The following PPP1CB variants were observed in gnomAD, a reference collection of about 807,000 sequenced individuals.
The protein encoded by PPP1CB is serine/threonine-protein phosphatase PP1-beta catalytic subunit.
PPP1CB carries 2 observed loss-of-function variants against 43.7 expected under a neutral mutation model. That is an observed-to-expected ratio of 0.05 (90% CI 0.02 to 0.14). The LOEUF is 0.14. PPP1CB is among the 10% of genes least tolerant of loss of function. The pLI is 1.00. For missense variants in PPP1CB, 84 were observed against 398.0 expected, an observed-to-expected ratio of 0.21 and a Z score of 6.71; for synonymous variants, 136 against 135.6, an observed-to-expected ratio of 1.00 and a Z score of -0.02.
chr2:28,793,643 A>G (rs1274440073), intron 6 of PPP1CB, among the ~76,000 whole-genome samples: 1 of 152,186 alleles, frequency 6.6e-6, no homozygotes, highest in Non-Finnish European at 1.5e-5. Context: ...TGGTGAATTT[A>G]TTATTCCAAT....
chr2:28,782,083 A>G, intron 4 of PPP1CB: 1 of 452,760 alleles, frequency 2.2e-6, no homozygotes, highest in Non-Finnish European at 3.9e-6. Context: ...TGTTTGAGAA[A>G]GTCTCCTTTG....
intron 5 of PPP1CB, among the ~76,000 whole-genome samples, chr2:28,785,104 C>G (rs1189398320): frequency 1.7e-5 from 1 of 59,996 alleles, no homozygotes; most frequent in Non-Finnish European, 3.2e-5. Flanking sequence ...GAGACAGAGT[C>G]TTGCCCTGTC....
Position 28,781,433 on chromosome 2 carries a change from T to C in PPP1CB, c.416-305T>C, listed in dbSNP as rs6730321. On this transcript the variant is annotated intron_variant, in intron 3 of 7. Coordinates refer to ENST00000395366, the MANE Select transcript of PPP1CB (RefSeq NM_002709.3). Reference sequence around the variant, plus strand: ...AGTCACTGTTATACAATCGATCTTCTGTATTTATTCCTACTACCCAACTGA... The same window carrying C: ...AGTCACTGTTATACAATCGATCTTCCGTATTTATTCCTACTACCCAACTGA... 0.41 allele frequency among the ~76,000 whole-genome samples: 62,507 copies of C among 151,980 alleles called. 13,770 individuals are homozygous for C. Among genetic ancestry groups the C allele is most frequent in the Middle Eastern group, 0.51 (149 of 294 alleles).
At chr2:28,771,698 C>G (rs994060051) in intron 1 of PPP1CB, among the ~76,000 whole-genome samples, 1 of 152,026 alleles carries the variant, frequency 6.6e-6, no homozygotes, top group Non-Finnish European at 1.5e-5. Context: ...AAAACCTTGA[C>G]CTTTACATCA....
rs1553312779 is a variant in PPP1CB at position 28,800,226 on chromosome 2, C to CTTTCTTTTTTTTTTTTTTTTTT, written c.*926_*927insCTTTTTTTTTTTTTTTTTTTTT. The stretch of plus-strand genomic sequence containing the variant: ...TTGGTTTTCTTTTTCTTTTTTCTTT[C>CTTTCTTTTTTTTTTTTTTTTTT]TTTTTTTTTTTTTTTTTTTTTTTGA... On this transcript the variant is annotated 3_prime_UTR_variant, in exon 8 of 8. Coordinates refer to ENST00000395366, the MANE Select transcript of PPP1CB (RefSeq NM_002709.3). 1 of 65,628 alleles carries CTTTCTTTTTTTTTTTTTTTTTT rather than the reference C, an allele frequency of 1.5e-5. No individual in the cohort carries two copies. The highest frequency in any genetic ancestry group is 6.3e-5 in the African/African-American group (1 of 15,760). 4.1% of individuals were successfully genotyped at this position (65,628 alleles called of 1,614,324 possible).
At chr2:28,781,663 TA>T in intron 3 of PPP1CB, 74 bp from the exon 4 acceptor site, 2 of 1,007,922 alleles carry the variant, frequency 2.0e-6, no homozygotes, top group Non-Finnish European at 3.0e-6. Flanking sequence ...AAATCATTCA[TA>T]ATCCTGCGGC....
At chr2:28,755,071 G>A (rs553357049) in intron 1 of PPP1CB, among the ~76,000 whole-genome samples, 2 of 151,862 alleles carry the variant, frequency 1.3e-5, no homozygotes, top group African/African-American at 2.4e-5. Flanking sequence ...TTTTTGAGAC[G>A]GAGTTTTGCG....
At chr2:28,780,700 A>G (rs1447210239) in intron 3 of PPP1CB, among the ~76,000 whole-genome samples, 1 of 152,186 alleles carries the variant, frequency 6.6e-6, no homozygotes, top group Non-Finnish European at 1.5e-5. Context: ...TTGTGGCATA[A>G]AAGCACAGGA....
chr2:28,775,963 C>T (rs142418664), intron 1 of PPP1CB, among the ~76,000 whole-genome samples: 52 of 151,994 alleles, frequency 3.4e-4, no homozygotes, highest in South Asian at 8.3e-4. Context: ...GGGAATGTAA[C>T]GATAAGTTAA....
At chr2:28,764,304 C>A (rs1194885364) in intron 1 of PPP1CB, among the ~76,000 whole-genome samples, 1 of 151,536 alleles carries the variant, frequency 6.6e-6, no homozygotes, top group Non-Finnish European at 1.5e-5. Context: ...ACTTAAAATA[C>A]AAAAAATTAG....
In PPP1CB at chr2:28,788,072, C is replaced by A. The variant is rs142383343; in HGVS notation, c.593-586C>A. 1.8e-4 allele frequency among the ~76,000 whole-genome samples: 28 copies of A among 151,468 alleles called. 1 individual carries two copies. In the East Asian group the frequency reaches 5.2e-3, roughly 28 times the overall value. ...AGATCAAATACAATTCCAGTGAAAT[C>A]ACAATTGAGTTTTTTATGGAATTAG... On this transcript the variant is annotated intron_variant, in intron 5 of 7. Transcript: ENST00000395366.
chr2:28,766,172 G>A (rs1018213248), intron 1 of PPP1CB, among the ~76,000 whole-genome samples: 4 of 152,116 alleles, frequency 2.6e-5, no homozygotes, highest in Non-Finnish European at 5.9e-5. Flanking sequence ...TGAGGGTGGT[G>A]GTTCTTGTTT....
intron 7 of PPP1CB, among the ~76,000 whole-genome samples, chr2:28,794,303 TAATG>T (rs1247662793): frequency 6.6e-6 from 1 of 152,240 alleles, no homozygotes; most frequent in Non-Finnish European, 1.5e-5. Flanking sequence ...AATGTGAATG[TAATG>T]AATAGTTTAG....
intron 4 of PPP1CB, 180 bp downstream of exon 4, chr2:28,782,022 A>G: frequency 1.6e-6 from 1 of 642,354 alleles, no homozygotes; most frequent in Non-Finnish European, 2.8e-6. Context: ...ATAAATGAAA[A>G]CGTAATGCTT....
chr2:28,779,106 A>G lies in PPP1CB; in HGVS notation c.415+67A>G, dbSNP rs1289233468. Reference sequence around the variant, plus strand: ...ATTGCCTAATAATTTTCTGGTTCAGAAGAGTTGCTTTGATTCAGAGTTTTT... The same window carrying G: ...ATTGCCTAATAATTTTCTGGTTCAGGAGAGTTGCTTTGATTCAGAGTTTTT... On this transcript the variant is annotated intron_variant, in intron 3 of 7. Coordinates refer to ENST00000395366, the MANE Select transcript of PPP1CB (RefSeq NM_002709.3). The G allele has an allele frequency of 4.0e-6, 5 of 1,245,680 alleles. No individual in the cohort carries two copies. In the African/African-American group the frequency reaches 6.0e-5, roughly 15 times the overall value. The allele number at this position is 1,245,680 out of a possible 1,614,324, so 77.2% of individuals were successfully genotyped here.
intron 1 of PPP1CB, among the ~76,000 whole-genome samples, chr2:28,757,120 A>G (rs980673492): frequency 1.3e-5 from 2 of 152,120 alleles, no homozygotes; most frequent in African/African-American, 4.8e-5. Context: ...TGGACGTTTC[A>G]TGCAAGTGAA....
chr2:28,794,780 T>A (rs536137579), intron 7 of PPP1CB, among the ~76,000 whole-genome samples: 28 of 152,274 alleles, frequency 1.8e-4, no homozygotes, highest in African/African-American at 2.4e-4. Flanking sequence ...TTATTTATTT[T>A]TTTCTTTTGA....
intron 1 of PPP1CB, among the ~76,000 whole-genome samples, chr2:28,770,496 G>A (rs1036719504): frequency 6.6e-6 from 1 of 151,338 alleles, no homozygotes; most frequent in Non-Finnish European, 1.5e-5. Flanking sequence ...TAACACTAGA[G>A]GTAAAGAAGG....
At chr2:28,775,881 T>G (rs1667028912) in intron 1 of PPP1CB, among the ~76,000 whole-genome samples, 1 of 152,142 alleles carries the variant, frequency 6.6e-6, no homozygotes, top group Non-Finnish European at 1.5e-5. Flanking sequence ...CATATTATCT[T>G]ATGGCTCAGT....
Sources: allele counts gnomAD v4.1 joint callset (sites outside exome capture counted in the v4.1 genomes callset), GRCh38; gene constraint gnomAD v4.1.1; transcripts MANE v1.5; gene names NCBI Gene and HGNC (gene_info 2026-07-23, HGNC 2026-07-21).